The following LYG1 variants were observed in gnomAD, a reference collection of about 807,000 sequenced individuals.
LYG1 encodes the protein lysozyme g-like protein 1.
LYG1 carries 17 observed loss-of-function variants against 21.7 expected under a neutral mutation model. The ratio of observed to expected loss-of-function variants is 0.78; its 90% CI spans 0.54 to 1.18. The LOEUF is 1.18. Ranked by LOEUF, LYG1 falls within the 50% of genes most tolerant of loss-of-function variation. The pLI, the probability that LYG1 is intolerant of heterozygous loss-of-function variation, is 0.00. For synonymous variants in LYG1, 81 were observed against 87.4 expected, an observed-to-expected ratio of 0.93 and a Z score of 0.41; for missense variants, 211 against 238.1, an observed-to-expected ratio of 0.89 and a Z score of 0.75.
At chr2:99,299,209 G>C (rs898434426) in intron 1 of LYG1, among the ~76,000 whole-genome samples, 1 of 151,334 alleles carries the variant, frequency 6.6e-6, no homozygotes, top group African/African-American at 2.4e-5. Context: ...TCATAGGCAT[G>C]AGCCACCGCG....
chr2:99,284,944 A>G, intron 5 of LYG1, 124 bp from the exon 6 acceptor site: 3 of 1,294,378 alleles, frequency 2.3e-6, no homozygotes, highest in Non-Finnish European at 3.2e-6. Context: ...GATGGAACCA[A>G]TGCCACCGTC....
At chr2:99,301,597 G>C (rs1387224376), upstream of LYG1, among the ~76,000 whole-genome samples, 2 of 121,388 alleles carry the variant, frequency 1.6e-5, no homozygotes, top group African/African-American at 5.8e-5. Context: ...CCAGGGGTTG[G>C]CAGCTTTTTC....
intron 1 of LYG1, among the ~76,000 whole-genome samples, chr2:99,300,444 C>G (rs528663865): frequency 2.0e-5 from 3 of 151,484 alleles, no homozygotes; most frequent in African/African-American, 7.2e-5. Context: ...TCCTTCTGCA[C>G]AGAGCAAATC....
upstream of LYG1, among the ~76,000 whole-genome samples, chr2:99,301,836 A>G (rs1333147730): frequency 1.3e-5 from 2 of 149,540 alleles, no homozygotes; most frequent in African/African-American, 2.5e-5. Flanking sequence ...ATGTGGGGAG[A>G]GATGATCGGC....
At chr2:99,296,823 G>A (rs915243966) in intron 2 of LYG1, among the ~76,000 whole-genome samples, 1 of 152,162 alleles carries the variant, frequency 6.6e-6, no homozygotes, top group African/African-American at 2.4e-5. Context: ...CAAACACCCA[G>A]GAAGAGATCA....
chr2:99,302,947 G>A (rs576895200), upstream of LYG1, among the ~76,000 whole-genome samples: 1 of 151,852 alleles, frequency 6.6e-6, no homozygotes, highest in Non-Finnish European at 1.5e-5. Flanking sequence ...GAACCAAGAG[G>A]GAGAGGTTGC....
upstream of LYG1, among the ~76,000 whole-genome samples, chr2:99,304,057 G>C (rs2094161034): frequency 6.6e-6 from 1 of 152,110 alleles, no homozygotes; most frequent in Admixed American, 6.6e-5. Flanking sequence ...TGAGACTTCA[G>C]GGGATTGTTG....
At position 99,292,526 on chromosome 2, in the gene LYG1, T is replaced by G. The variant is rs752038879; in HGVS notation, c.148+10A>C. On this transcript the variant is annotated intron_variant, in intron 4 of 6. Coordinates refer to ENST00000308528, the MANE Select transcript of LYG1 (RefSeq NM_174898.3). ...GGGGATAGGTTGAGAGGGCGAAAGC[T>G]CATAGCTACCACAGTAGTTCAGGCC... The G allele has an allele frequency of 3.1e-6, 5 of 1,603,236 alleles. No individual in the cohort carries two copies. Among genetic ancestry groups the G allele is most frequent in the Non-Finnish European group, 4.3e-6 (5 of 1,170,106 alleles).
chr2:99,301,724 A>AAAG (rs1314311285), upstream of LYG1, among the ~76,000 whole-genome samples: 1 of 150,572 alleles, frequency 6.6e-6, no homozygotes, highest in Non-Finnish European at 1.5e-5. Flanking sequence ...TTCCAAAAAA[A>AAAG]AAACTTTCTT....
At chr2:99,286,072 G>A (rs546827318) in intron 5 of LYG1, among the ~76,000 whole-genome samples, 1 of 152,166 alleles carries the variant, frequency 6.6e-6, no homozygotes, top group South Asian at 2.1e-4. Flanking sequence ...TTTATAAGAA[G>A]AGGAAGAGAG....
chr2:99,297,950 A>G (rs1325473025), intron 2 of LYG1, among the ~76,000 whole-genome samples: 1 of 152,226 alleles, frequency 6.6e-6, no homozygotes, highest in African/African-American at 2.4e-5. Flanking sequence ...CCAGGCTTCA[A>G]GTGATCCTTC....
chr2:99,287,840 T>C (rs532748742), intron 5 of LYG1, among the ~76,000 whole-genome samples: 2 of 152,200 alleles, frequency 1.3e-5, no homozygotes, highest in Non-Finnish European at 2.9e-5. Context: ...AGATGATATA[T>C]GATCAACTTT....
intron 1 of LYG1, among the ~76,000 whole-genome samples, chr2:99,300,486 G>A (rs2094151025): frequency 6.6e-6 from 1 of 152,170 alleles, no homozygotes; most frequent in Non-Finnish European, 1.5e-5. Flanking sequence ...TCCGTCTATG[G>A]ACTCTAGAGG....
chr2:99,290,855 T>C (rs558409454), intron 5 of LYG1, among the ~76,000 whole-genome samples: 1 of 152,344 alleles, frequency 6.6e-6, no homozygotes, highest in Non-Finnish European at 1.5e-5. Context: ...TTCATAATAA[T>C]GCTGTAAGAA....
intron 6 of LYG1, 81 bp downstream of exon 6, chr2:99,284,607 T>A (rs1224194516): frequency 3.8e-6 from 6 of 1,592,744 alleles, no homozygotes; most frequent in Non-Finnish European, 5.1e-6. Context: ...AGCTGGAGTT[T>A]CGGGGAATCT....
chr2:99,286,496 G>A (rs1246731951), intron 5 of LYG1, among the ~76,000 whole-genome samples: 1 of 152,130 alleles, frequency 6.6e-6, no homozygotes, highest in East Asian at 1.9e-4. Context: ...CACCAGGCAG[G>A]AGTTTGAGAC....
chr2:99,296,457 G>GCT (rs893848888), intron 2 of LYG1, among the ~76,000 whole-genome samples: 3 of 151,282 alleles, frequency 2.0e-5, no homozygotes, highest in African/African-American at 4.8e-5. Context: ...CCGCTCATGT[G>GCT]CTCTCTCTCT....
chr2:99,289,656 G>A (rs1005604041), intron 5 of LYG1, among the ~76,000 whole-genome samples: 4 of 152,016 alleles, frequency 2.6e-5, no homozygotes, highest in Admixed American at 1.3e-4. Flanking sequence ...CTCCTTCAAT[G>A]CTGCCAGTGC....
At chr2:99,299,279 TTTTTC>T (rs1367733857) in intron 1 of LYG1, among the ~76,000 whole-genome samples, 1 of 150,302 alleles carries the variant, frequency 6.7e-6, no homozygotes, top group Non-Finnish European at 1.5e-5. Context: ...TCTTTTTCTT[TTTTTC>T]TTTTTTTTTT....
Sources: gnomAD v4.1 joint callset for allele counts (sites outside exome capture counted in the v4.1 genomes callset) on GRCh38, gnomAD v4.1.1 for gene constraint, MANE v1.5 for transcripts, NCBI Gene and HGNC (gene_info 2026-07-23, HGNC 2026-07-21) for gene names.